Variants in KLF7 observed in about 807,000 individuals in gnomAD.
The protein encoded by KLF7 is KLF transcription factor 7, also known as Krueppel-like factor 7.
A neutral mutation model predicts 27.3 loss-of-function variants in KLF7; 2 were observed. That is an observed-to-expected ratio of 0.07 (90% CI 0.03 to 0.23). The LOEUF is 0.23. KLF7 is among the 10% of genes least tolerant of loss of function. The probability of loss-of-function intolerance (pLI) is 1.00; values close to 1 mark genes in which losing one functional copy is unlikely to be tolerated. For missense variants in KLF7, 221 were observed against 394.1 expected (o/e 0.56, Z 3.72); for synonymous variants, 165 against 162.4 (o/e 1.02, Z -0.12).
chr2:207,123,481 C>G (rs1272266565), intron 2 of KLF7, among the ~76,000 whole-genome samples: 2 of 152,208 alleles, frequency 1.3e-5, no homozygotes, highest in African/African-American at 4.8e-5. Context: ...CGACAAGTGT[C>G]TGTGTCACAA....
At chr2:207,135,408 A>G (rs1025906199) in intron 1 of KLF7, among the ~76,000 whole-genome samples, 1 of 152,168 alleles carries the variant, frequency 6.6e-6, no homozygotes, top group African/African-American at 2.4e-5. Flanking sequence ...AAGCCCTAAG[A>G]CACTCAATAA....
Position 207,079,222 on chromosome 2 carries a change from T to G in KLF7, c.*1991A>C. The G allele has an allele frequency of 6.6e-6, 1 of 152,166 alleles. No homozygotes were observed. Among genetic ancestry groups the G allele is most frequent in the Non-Finnish European group, 1.5e-5 (1 of 68,040 alleles). 9.4% of individuals were successfully genotyped at this position (152,166 alleles called of 1,614,324 possible). A position where few individuals can be genotyped will look rare whatever the true frequency, so the allele number is the denominator to read the frequency against. Reference sequence around the variant, plus strand: ...GTTCCTTTGCCCTCAGACGAGTAGTTTCAACATTTCAGTGAAAACAAAGGT... The same window carrying G: ...GTTCCTTTGCCCTCAGACGAGTAGTGTCAACATTTCAGTGAAAACAAAGGT... On this transcript the variant is annotated 3_prime_UTR_variant, in exon 4 of 4. Coordinates refer to ENST00000309446, the MANE Select transcript of KLF7 (RefSeq NM_003709.4).
rs141591714 is a variant in KLF7 at position 207,123,483 on chromosome 2, G to C, written c.733+291C>G. Among the ~76,000 whole-genome samples the C allele has an allele frequency of 1.6e-3, 241 of 152,300 alleles. 3 individuals are homozygous for C. The highest frequency in any genetic ancestry group is 5.7e-3 in the African/African-American group (235 of 41,536). ...AGTGTCAGGAAAGCGACAAGTGTCTGTGTCACAAACAGCTATGAGTCACTG... is the reference window on the plus strand; with the variant it reads ...AGTGTCAGGAAAGCGACAAGTGTCTCTGTCACAAACAGCTATGAGTCACTG... On this transcript the variant is annotated intron_variant, in intron 2 of 3. Transcript: ENST00000309446.
intron 3 of KLF7, 54 bp from the exon 4 acceptor site, chr2:207,081,318 T>G: frequency 7.3e-7 from 1 of 1,367,642 alleles, no homozygotes; most frequent in Non-Finnish European, 1.0e-6. Flanking sequence ...ACAGCTTGAC[T>G]TGCATCACTC....
rs563748110 is a variant in KLF7, at chr2:207,155,253, T to G, written c.102+10214A>C. On this transcript the variant is annotated intron_variant, in intron 1 of 3. Coordinates refer to ENST00000309446, the MANE Select transcript of KLF7 (RefSeq NM_003709.4). ...CTCAAATGAGATCATCTTTAGGAAG[T>G]GTCTGATACATATGAGACAGTACTA... Among the ~76,000 whole-genome samples, 7 of 152,356 alleles carry G rather than the reference T, an allele frequency of 4.6e-5. No individual in the cohort carries two copies. In the South Asian group the frequency reaches 1.4e-3, roughly 32 times the overall value.
chr2:207,083,610 T>C (rs147692858), intron 3 of KLF7, among the ~76,000 whole-genome samples: 7,548 of 152,246 alleles, frequency 0.05, 268 homozygotes, highest in Middle Eastern at 0.092. Flanking sequence ...GAGCTTCTGG[T>C]AGGCAGAATA....
chr2:207,088,842 C>G (rs900541836), intron 2 of KLF7, among the ~76,000 whole-genome samples: 1 of 152,032 alleles, frequency 6.6e-6, no homozygotes, highest in African/African-American at 2.4e-5. Context: ...CATTTTAGTT[C>G]CCAGAGTCAG....
Position 207,077,517 on chromosome 2 carries a change from AG to A in KLF7, c.*3695del, listed in dbSNP as rs1273058387. On this transcript the variant is annotated 3_prime_UTR_variant, in exon 4 of 4. Coordinates refer to ENST00000309446, the MANE Select transcript of KLF7 (RefSeq NM_003709.4). ...GGCGTCGAGAGAAGAGGATATTTGA[AG>A]GGCTTTGCAAGGGAAAGCACACAGA... is the stretch of plus-strand genomic sequence containing the variant. 6.6e-6 allele frequency: 1 copy of A among 152,248 alleles called. No individual in the cohort carries two copies. The highest frequency in any genetic ancestry group is 2.4e-5 in the African/African-American group (1 of 41,450). 9.4% of individuals were successfully genotyped at this position (152,248 alleles called of 1,614,324 possible).
At chr2:207,100,810 C>T (rs899077910) in intron 2 of KLF7, among the ~76,000 whole-genome samples, 7 of 152,216 alleles carry the variant, frequency 4.6e-5, no homozygotes, top group African/African-American at 1.7e-4. Context: ...TCCCCACACA[C>T]ATTAAATGAA....
chr2:207,081,057 G>GAA lies in KLF7; in HGVS notation c.*155_*156insTT. The GAA allele has an allele frequency of 1.9e-6, 1 of 523,948 alleles. No homozygotes were observed. Among genetic ancestry groups the GAA allele is most frequent in the South Asian group, 2.3e-5 (1 of 43,180 alleles). 32.5% of individuals were successfully genotyped at this position (523,948 alleles called of 1,614,324 possible). On this transcript the variant is annotated 3_prime_UTR_variant, in exon 4 of 4. Coordinates refer to ENST00000309446, the MANE Select transcript of KLF7 (RefSeq NM_003709.4). ...TATGTGTGTGGGTCTGTGAGTGTGT[G>GAA]TATATGTGTGTGTGTGTGTGTGTGT...
chr2:207,074,662 C>T lies in KLF7; in HGVS notation c.*6551G>A, dbSNP rs2076146857. ...ATCTTTACCCTTCCTCCTTCACAGA[C>T]TGCTTCAAAGATCCTTTCCCAATAG... On this transcript the variant is annotated 3_prime_UTR_variant, in exon 4 of 4. Transcript: ENST00000309446. 6.6e-6 allele frequency: 1 copy of T among 152,176 alleles called. No individual in the cohort carries two copies. The highest frequency in any genetic ancestry group is 1.9e-4 in the East Asian group (1 of 5,182). 9.4% of individuals were successfully genotyped at this position (152,176 alleles called of 1,614,324 possible). A position where few individuals can be genotyped will look rare whatever the true frequency, so the allele number is the denominator to read the frequency against.
intron 1 of KLF7, among the ~76,000 whole-genome samples, chr2:207,129,422 A>G (rs973928473): frequency 6.6e-6 from 1 of 152,224 alleles, no homozygotes; most frequent in African/African-American, 2.4e-5. Flanking sequence ...GGAAGAAAAT[A>G]TTCCCGAGTG....
At chr2:207,099,782 A>G (rs897790521) in intron 2 of KLF7, among the ~76,000 whole-genome samples, 9 of 151,840 alleles carry the variant, frequency 5.9e-5, no homozygotes, top group Non-Finnish European at 1.0e-4. Context: ...ACTAGTTCAT[A>G]TGGTAATTTT....
intron 1 of KLF7, among the ~76,000 whole-genome samples, chr2:207,127,979 T>C (rs976321206): frequency 1.3e-5 from 2 of 152,188 alleles, no homozygotes; most frequent in South Asian, 4.1e-4. Context: ...ATATATTTCC[T>C]AACTCCATCC....
At chr2:207,102,984 A>G (rs1011178303) in intron 2 of KLF7, among the ~76,000 whole-genome samples, 4 of 152,174 alleles carry the variant, frequency 2.6e-5, no homozygotes, top group Admixed American at 6.5e-5. Flanking sequence ...GTTGGAGTGC[A>G]GTGGCGTGAT....
intron 2 of KLF7, among the ~76,000 whole-genome samples, chr2:207,108,545 C>G (rs2076942917): frequency 2.0e-5 from 3 of 152,180 alleles, no homozygotes. Flanking sequence ...GGTGTTAATA[C>G]CTTTTCTTTC....
chr2:207,088,121 C>T (rs1363824006), intron 3 of KLF7, among the ~76,000 whole-genome samples: 1 of 152,146 alleles, frequency 6.6e-6, no homozygotes, highest in African/African-American at 2.4e-5. Flanking sequence ...GATCAGAAGT[C>T]CCTACAGATG....
At chr2:207,163,274 T>C (rs1003111348) in intron 1 of KLF7, among the ~76,000 whole-genome samples, 3 of 152,188 alleles carry the variant, frequency 2.0e-5, no homozygotes, top group East Asian at 1.9e-4. Flanking sequence ...GCTGAATAAG[T>C]TGGCTAAGGG....
At chr2:207,104,475 G>T (rs966826813) in intron 2 of KLF7, among the ~76,000 whole-genome samples, 3 of 152,180 alleles carry the variant, frequency 2.0e-5, no homozygotes, top group African/African-American at 7.2e-5. Context: ...GGGTGATAGG[G>T]TTTTTTAAAT....
Sources: allele counts gnomAD v4.1 joint callset (sites outside exome capture counted in the v4.1 genomes callset), GRCh38; gene constraint gnomAD v4.1.1; transcripts MANE v1.5; gene names NCBI Gene and HGNC (gene_info 2026-07-23, HGNC 2026-07-21).